EXOC4: variants seen among roughly 807,000 people sequenced by gnomAD.
EXOC4 encodes the protein exocyst complex component 4, also known as SEC8-like 1.
EXOC4 carries 71 observed loss-of-function variants against 107.2 expected under a neutral mutation model. The observed-to-expected ratio is 0.66, with a 90% CI of 0.55 to 0.81. EXOC4 has a LOEUF of 0.81. Among genes scored for constraint, EXOC4 ranks in the 30% least tolerant of loss-of-function variants. The probability of loss-of-function intolerance (pLI) is 0.00; values close to 1 mark genes in which losing one functional copy is unlikely to be tolerated. For missense variants in EXOC4, 1,108 were observed against 1,189.6 expected (o/e 0.93, Z 1.01); for synonymous variants, 456 against 441.2 (o/e 1.03, Z -0.42).
intron 10 of EXOC4, among the ~76,000 whole-genome samples, chr7:133,644,953 G>C (rs779866412): frequency 6.6e-6 from 1 of 152,132 alleles, no homozygotes; most frequent in Non-Finnish European, 1.5e-5. Flanking sequence ...ACAGTGCTCA[G>C]CCATAGCTGT....
rs369909109 is a variant in EXOC4 at position 133,317,402 on chromosome 7, A to C, written c.763+12A>C. ...TGGAAGCTCAAGTGGTAAGTATTTAATTCTTCAGCCACTAAGCTTTTTAGT... is the reference window on the plus strand; with the variant it reads ...TGGAAGCTCAAGTGGTAAGTATTTACTTCTTCAGCCACTAAGCTTTTTAGT... On this transcript the variant is annotated intron_variant, in intron 5 of 17. Coordinates refer to ENST00000253861, the MANE Select transcript of EXOC4 (RefSeq NM_021807.4). 1 of 1,543,728 alleles carries C rather than the reference A, an allele frequency of 6.5e-7. No individual in the cohort carries two copies. Among genetic ancestry groups the C allele is most frequent in the Non-Finnish European group, 9.0e-7 (1 of 1,116,568 alleles).
chr7:134,045,882 T>A (rs1795638889), intron 17 of EXOC4, among the ~76,000 whole-genome samples: 1 of 151,972 alleles, frequency 6.6e-6, no homozygotes, highest in South Asian at 2.1e-4. Flanking sequence ...TATTTAGTCT[T>A]TTGCGGCTAG....
intron 10 of EXOC4, among the ~76,000 whole-genome samples, chr7:133,690,402 C>T (rs1396620046): frequency 6.6e-6 from 1 of 152,178 alleles, no homozygotes; most frequent in African/African-American, 2.4e-5. Flanking sequence ...TAAAAATGTG[C>T]CTACAGGCCG....
At chr7:133,281,174 A>G (rs2150532926) in intron 2 of EXOC4, among the ~76,000 whole-genome samples, 1 of 152,286 alleles carries the variant, frequency 6.6e-6, no homozygotes, top group East Asian at 1.9e-4. Context: ...TGTAGTTCTA[A>G]AAGGCTTTTA....
chr7:133,755,729 G>A (rs1233250872), intron 10 of EXOC4, among the ~76,000 whole-genome samples: 2 of 152,088 alleles, frequency 1.3e-5, no homozygotes, highest in Admixed American at 6.5e-5. Context: ...GGTTCTGTGC[G>A]CATAGGTATA....
chr7:133,639,056 T>C (rs1274291045), intron 10 of EXOC4, among the ~76,000 whole-genome samples: 2 of 152,240 alleles, frequency 1.3e-5, no homozygotes, highest in East Asian at 3.8e-4. Flanking sequence ...GAAATATGTT[T>C]ATGTCCAGCC....
At chr7:133,940,031 T>C (rs1248578067) in intron 14 of EXOC4, among the ~76,000 whole-genome samples, 3 of 152,198 alleles carry the variant, frequency 2.0e-5, no homozygotes, top group African/African-American at 7.2e-5. Flanking sequence ...CAGAGCTGCT[T>C]AGGTAGTTTA....
At chr7:133,570,619 G>GACC (rs1397418014) in intron 9 of EXOC4, among the ~76,000 whole-genome samples, 5 of 152,196 alleles carry the variant, frequency 3.3e-5, no homozygotes, top group Admixed American at 6.5e-5. Context: ...GAGAAGGCTA[G>GACC]ACCATGTCAT....
At chr7:133,740,864 T>C (rs1585114943) in intron 10 of EXOC4, among the ~76,000 whole-genome samples, 1 of 152,114 alleles carries the variant, frequency 6.6e-6, no homozygotes, top group Non-Finnish European at 1.5e-5. Context: ...TAGGCAGATA[T>C]TAACATCCTC....
chr7:133,437,520 G>C (rs1298878169), intron 7 of EXOC4, among the ~76,000 whole-genome samples: 1 of 152,200 alleles, frequency 6.6e-6, no homozygotes, highest in African/African-American at 2.4e-5. Flanking sequence ...ATCTGGATGG[G>C]AAAACAGTGC....
chr7:133,634,344 C>A (rs1169562865), intron 10 of EXOC4, among the ~76,000 whole-genome samples: 1 of 152,128 alleles, frequency 6.6e-6, no homozygotes, highest in Non-Finnish European at 1.5e-5. Context: ...TCTTTACAGT[C>A]AGGCATGTCT....
At chr7:133,413,338 A>AG (rs146603136) in intron 7 of EXOC4, among the ~76,000 whole-genome samples, 11,663 of 152,166 alleles carry the variant, frequency 0.077, 1,527 homozygotes, top group African/African-American at 0.26. Flanking sequence ...AGGACTTACC[A>AG]GGGGGCATTC....
At chr7:133,917,517 G>C (rs1380041014) in intron 12 of EXOC4, 66 bp from the exon 13 acceptor site, 2 of 1,498,738 alleles carry the variant, frequency 1.3e-6, no homozygotes, top group African/African-American at 2.8e-5. Flanking sequence ...AGCAAAGGTA[G>C]ATGAAAATGC....
intron 6 of EXOC4, among the ~76,000 whole-genome samples, chr7:133,373,356 A>T (rs552372981): frequency 6.6e-6 from 1 of 152,332 alleles, no homozygotes; most frequent in East Asian, 1.9e-4. Flanking sequence ...CAAAAGGTAG[A>T]ATGGCTTCTA....
intron 10 of EXOC4, among the ~76,000 whole-genome samples, chr7:133,710,584 C>T (rs375136154): frequency 6.8e-6 from 1 of 146,460 alleles, no homozygotes; most frequent in African/African-American, 2.5e-5. Flanking sequence ...GGCGTGAACC[C>T]GGGAGGCGGA....
At chr7:133,847,486 G>T (rs1798152846) in intron 11 of EXOC4, among the ~76,000 whole-genome samples, 2 of 147,736 alleles carry the variant, frequency 1.4e-5, no homozygotes, top group African/African-American at 5.0e-5. Flanking sequence ...TCAAGCGATT[G>T]TCCTGCCTCT....
chr7:133,335,859 T>G (rs1331511925), intron 5 of EXOC4, among the ~76,000 whole-genome samples: 1 of 152,198 alleles, frequency 6.6e-6, no homozygotes, highest in African/African-American at 2.4e-5. Flanking sequence ...TTCTGTATTT[T>G]TTTTCTTTTG....
At chr7:133,926,283 C>T (rs182826982) in intron 13 of EXOC4, among the ~76,000 whole-genome samples, 363 of 152,258 alleles carry the variant, frequency 2.4e-3, no homozygotes, top group Non-Finnish European at 4.2e-3. Context: ...ACTCTGACTT[C>T]CAGAGCCACC....
At chr7:133,900,155 G>A (rs1297123572) in intron 12 of EXOC4, among the ~76,000 whole-genome samples, 2 of 152,156 alleles carry the variant, frequency 1.3e-5, no homozygotes, top group Non-Finnish European at 2.9e-5. Context: ...GATGCTGTGA[G>A]GGTGTGTGGG....
Sources: allele counts gnomAD v4.1 joint callset (sites outside exome capture counted in the v4.1 genomes callset), GRCh38; gene constraint gnomAD v4.1.1; transcripts MANE v1.5; gene names NCBI Gene and HGNC (gene_info 2026-07-23, HGNC 2026-07-21).